DGKB: variants seen among roughly 807,000 people sequenced by gnomAD.
DGKB encodes diacylglycerol kinase beta.
Under a neutral mutation model 114.3 loss-of-function variants are expected in DGKB, and 67 were observed. The ratio of observed to expected loss-of-function variants is 0.59; its 90% confidence interval spans 0.48 to 0.72. The LOEUF (loss-of-function observed/expected upper bound fraction) is 0.72, where lower values mean the gene tolerates loss of function less well. Ranked by LOEUF, DGKB falls within the 30% of genes least tolerant of loss-of-function variation. The pLI, the probability that DGKB is intolerant of heterozygous loss-of-function variation, is 0.00. For missense variants in DGKB, 907 were observed against 975.2 expected (o/e 0.93, Z 0.93); for synonymous variants, 398 against 323.1 (o/e 1.23, Z -2.49).
At chr7:14,327,108 A>C (rs1036121192) in intron 23 of DGKB, among the ~76,000 whole-genome samples, 3 of 152,180 alleles carry the variant, frequency 2.0e-5, no homozygotes, top group Non-Finnish European at 4.4e-5. Flanking sequence ...TTTGGATAAC[A>C]GAATGGCTCT....
intron 1 of DGKB, among the ~76,000 whole-genome samples, chr7:14,858,769 C>A (rs968202448): frequency 4.6e-5 from 7 of 152,052 alleles, no homozygotes; most frequent in African/African-American, 1.7e-4. Context: ...AATATAGAGA[C>A]AAAGTAAATC....
At chr7:14,415,735 G>A (rs76875459) in intron 21 of DGKB, among the ~76,000 whole-genome samples, 40,321 of 151,986 alleles carry the variant, frequency 0.27, 5,848 homozygotes, top group East Asian at 0.48. Flanking sequence ...AAACCTACAT[G>A]TGCATGTGTC....
chr7:14,496,757 A>AGAT lies in DGKB; in HGVS notation c.1771-18535_1771-18533dup, dbSNP rs370458260. ...ACAGAAGCAATAACTTTTGCTACAA[A>AGAT]GATGAAAACAGAGGATAAATAAAGC... On this transcript the variant is annotated intron_variant, in intron 20 of 25. Coordinates refer to ENST00000402815, the MANE Select transcript of DGKB (RefSeq NM_001350709.2). Among the ~76,000 whole-genome samples the AGAT allele has an allele frequency of 4.1e-3, 620 of 151,980 alleles. 5 individuals are homozygous for AGAT. The highest frequency in any genetic ancestry group is 0.014 in the African/African-American group (601 of 41,544).
chr7:14,816,830 T>C (rs183106295), intron 2 of DGKB, among the ~76,000 whole-genome samples: 1 of 152,116 alleles, frequency 6.6e-6, no homozygotes, highest in Non-Finnish European at 1.5e-5. Flanking sequence ...GAAAATAACA[T>C]TGACTTTCTC....
intron 2 of DGKB, among the ~76,000 whole-genome samples, chr7:14,820,077 T>C (rs1159348320): frequency 6.6e-6 from 1 of 152,146 alleles, no homozygotes; most frequent in Non-Finnish European, 1.5e-5. Context: ...TTTTTATCTC[T>C]CTTTTTTAGT....
chr7:14,704,261 C>T (rs1424340122), intron 6 of DGKB, among the ~76,000 whole-genome samples: 1 of 146,350 alleles, frequency 6.8e-6, no homozygotes, highest in African/African-American at 2.6e-5. Flanking sequence ...CGGTGAAACC[C>T]CGTCTCTACT....
intron 25 of DGKB, among the ~76,000 whole-genome samples, chr7:14,153,512 C>G (rs573595920): frequency 6.6e-6 from 1 of 152,158 alleles, no homozygotes; most frequent in East Asian, 1.9e-4. Context: ...GTTCTGCTAC[C>G]TGCATAACAT....
chr7:14,248,044 G>GT (rs1646325792), intron 23 of DGKB, among the ~76,000 whole-genome samples: 1 of 151,988 alleles, frequency 6.6e-6, no homozygotes, highest in South Asian at 2.1e-4. Flanking sequence ...TGAAATAGGA[G>GT]TTCGATTCTA....
intron 21 of DGKB, among the ~76,000 whole-genome samples, chr7:14,397,827 G>A (rs1466225916): frequency 1.3e-5 from 2 of 152,066 alleles, no homozygotes; most frequent in East Asian, 3.9e-4. Flanking sequence ...CTTATGTCAA[G>A]TATAGTATTT....
intron 23 of DGKB, among the ~76,000 whole-genome samples, chr7:14,198,199 C>A (rs1224213127): frequency 6.6e-6 from 1 of 151,974 alleles, no homozygotes; most frequent in African/African-American, 2.4e-5. Flanking sequence ...AATTTTGATT[C>A]CAGGTATTGA....
At chr7:14,436,954 C>A (rs866971170) in intron 21 of DGKB, among the ~76,000 whole-genome samples, 1 of 152,020 alleles carries the variant, frequency 6.6e-6, no homozygotes, top group Non-Finnish European at 1.5e-5. Context: ...TTCCTAGTAT[C>A]CATTAATTAA....
intron 1 of DGKB, among the ~76,000 whole-genome samples, chr7:14,853,230 A>C (rs1481359911): frequency 6.6e-6 from 1 of 152,164 alleles, no homozygotes; most frequent in African/African-American, 2.4e-5. Flanking sequence ...CACAGTATAA[A>C]AACAGAGAAA....
chr7:14,292,638 C>T (rs1236957531), intron 23 of DGKB, among the ~76,000 whole-genome samples: 2 of 152,108 alleles, frequency 1.3e-5, no homozygotes, highest in South Asian at 2.1e-4. Context: ...TATTAAATGG[C>T]TCATTCTAAT....
chr7:14,959,443 T>G (rs1272101299), intron 1 of DGKB, among the ~76,000 whole-genome samples: 4 of 151,938 alleles, frequency 2.6e-5, no homozygotes, highest in Admixed American at 6.6e-5. Context: ...GTTATATGCC[T>G]TTGTTCCTTC....
intron 23 of DGKB, among the ~76,000 whole-genome samples, chr7:14,185,819 A>G (rs1234690406): frequency 6.6e-6 from 1 of 152,228 alleles, no homozygotes; most frequent in Non-Finnish European, 1.5e-5. Context: ...AGCCACATCT[A>G]GAAGAATAAA....
chr7:14,854,897 G>C (rs537879693), intron 1 of DGKB, among the ~76,000 whole-genome samples: 6 of 152,234 alleles, frequency 3.9e-5, no homozygotes, highest in African/African-American at 1.4e-4. Context: ...ACACGTAATA[G>C]CTCTTAAAAC....
intron 14 of DGKB, among the ~76,000 whole-genome samples, chr7:14,629,574 C>T (rs1809300973): frequency 6.6e-6 from 1 of 151,934 alleles, no homozygotes; most frequent in African/African-American, 2.4e-5. Flanking sequence ...TTGGGCATTT[C>T]CTATAGAGAT....
At chr7:14,819,776 G>T (rs919844967) in intron 2 of DGKB, among the ~76,000 whole-genome samples, 1 of 152,006 alleles carries the variant, frequency 6.6e-6, no homozygotes, top group African/African-American at 2.4e-5. Flanking sequence ...CCAAGCCCAT[G>T]TTCTTAATAT....
intron 2 of DGKB, among the ~76,000 whole-genome samples, chr7:14,808,548 T>C (rs1440200056): frequency 6.6e-6 from 1 of 152,120 alleles, no homozygotes; most frequent in Non-Finnish European, 1.5e-5. Context: ...GACACTGAAC[T>C]TGAATCTGTC....
Sources: gnomAD v4.1 joint callset for allele counts (sites outside exome capture counted in the v4.1 genomes callset) on GRCh38, gnomAD v4.1.1 for gene constraint, MANE v1.5 for transcripts, NCBI Gene and HGNC (gene_info 2026-07-23, HGNC 2026-07-21) for gene names.